The following BIRC6 variants were observed in gnomAD, a reference collection of about 807,000 sequenced individuals.
BIRC6 encodes dual E2 ubiquitin-conjugating enzyme/E3 ubiquitin-protein ligase BIRC6.
In BIRC6, 98 loss-of-function variants were observed where a neutral mutation model predicts 503.3. That is an observed-to-expected ratio of 0.19 (90% CI 0.17 to 0.23). The LOEUF is 0.23. Ranked by LOEUF, BIRC6 falls within the 10% of genes least tolerant of loss-of-function variation. The pLI, the probability that BIRC6 is intolerant of heterozygous loss-of-function variation, is 1.00. For synonymous variants in BIRC6, 2,240 were observed against 2,078.7 expected (o/e 1.08, Z -2.11); for missense variants, 5,360 against 5,806.0 (o/e 0.92, Z 2.50).
At chr2:32,533,061 G>T (rs749737479) in intron 61 of BIRC6, among the ~76,000 whole-genome samples, 8 of 152,178 alleles carry the variant, frequency 5.3e-5, no homozygotes, top group Non-Finnish European at 1.0e-4. Context: ...GGGCCCAGAA[G>T]GAAGTAAGGA....
intron 66 of BIRC6, 29 bp from the exon 67 acceptor site, chr2:32,593,886 G>T: frequency 6.3e-7 from 1 of 1,590,036 alleles, no homozygotes; most frequent in Non-Finnish European, 8.6e-7. Flanking sequence ...AATTTTCCTT[G>T]CTTTTCTTTC....
At chr2:32,462,053 AT>A (rs898135540) in intron 23 of BIRC6, among the ~76,000 whole-genome samples, 33 of 151,978 alleles carry the variant, frequency 2.2e-4, no homozygotes, top group African/African-American at 8.0e-4. Context: ...AAAAATAAAA[AT>A]AAAAAAAAAA....
intron 30 of BIRC6, 24 bp downstream of exon 30, chr2:32,469,638 A>G: frequency 6.4e-7 from 1 of 1,558,734 alleles, no homozygotes; most frequent in Non-Finnish European, 8.8e-7. Context: ...TGTTGGAGGT[A>G]TTTGTTATTA....
Position 32,467,489 on chromosome 2 carries a change from A to T in BIRC6, c.5357-36A>T, listed in dbSNP as rs756363129. 22 of 1,529,660 alleles carry T rather than the reference A, an allele frequency of 1.4e-5. No individual in the cohort carries two copies. The Admixed American group carries it at 3.5e-4, about 25-fold the overall frequency. 94.8% of individuals were successfully genotyped at this position (1,529,660 alleles called of 1,614,324 possible). A position where few individuals can be genotyped will look rare whatever the true frequency, so the allele number is the denominator to read the frequency against. On this transcript the variant is annotated intron_variant, in intron 26 of 73. Coordinates refer to ENST00000421745, the MANE Select transcript of BIRC6 (RefSeq NM_016252.4). ...TGAGTGTATCATTTGGTTAATTGAT[A>T]TATTTTTGGTCAACTGTTTCTTCTT...
intron 66 of BIRC6, among the ~76,000 whole-genome samples, chr2:32,577,023 G>C (rs1362807544): frequency 3.3e-5 from 5 of 151,184 alleles, no homozygotes; most frequent in Non-Finnish European, 4.4e-5. Context: ...CTATCTTGTG[G>C]CCCCCCCCAG....
intron 10 of BIRC6, among the ~76,000 whole-genome samples, chr2:32,422,330 T>C (rs2043033492): frequency 6.6e-6 from 1 of 152,260 alleles, no homozygotes; most frequent in African/African-American, 2.4e-5. Context: ...TTTAAAATGT[T>C]CTTTACATTC....
At chr2:32,393,968 A>C (rs887970685) in intron 5 of BIRC6, among the ~76,000 whole-genome samples, 1 of 148,824 alleles carries the variant, frequency 6.7e-6, no homozygotes, top group Non-Finnish European at 1.5e-5. Flanking sequence ...ATATATATAT[A>C]TGAATATTTT....
intron 54 of BIRC6, among the ~76,000 whole-genome samples, chr2:32,514,232 G>T (rs1023151613): frequency 2.0e-5 from 3 of 151,964 alleles, no homozygotes; most frequent in Admixed American, 2.0e-4. Context: ...GAGGTGGGAG[G>T]ATCACTTGAA....
At chr2:32,598,103 A>C in intron 69 of BIRC6, 135 bp downstream of exon 69, 1 of 820,684 alleles carries the variant, frequency 1.2e-6, no homozygotes, top group Non-Finnish European at 1.8e-6. Context: ...CCATTTTTAG[A>C]CGGCAGTGAA....
At chr2:32,460,408 C>A (rs979910483) in intron 23 of BIRC6, among the ~76,000 whole-genome samples, 2 of 149,808 alleles carry the variant, frequency 1.3e-5, no homozygotes, top group South Asian at 2.1e-4. Flanking sequence ...TCCCCAGTAC[C>A]TGGGATTACA....
At chr2:32,464,858 A>C in intron 25 of BIRC6, 35 bp downstream of exon 25, 5 of 1,548,398 alleles carry the variant, frequency 3.2e-6, no homozygotes, top group Non-Finnish European at 4.3e-6. Context: ...TGGCTTAGAC[A>C]TTTAAAAATA....
chr2:32,488,666 A>G lies in BIRC6; in HGVS notation c.8047A>G (p.Ile2683Val), dbSNP rs951925181. Residue 2683 changes from isoleucine (I) to valine (V), a missense_variant, in exon 42 of 74, where the codon ATA becomes GTA. Physicochemically the swap from Ile to Val is conservative, Grantham distance 29 (BLOSUM62 3). Coordinates refer to ENST00000421745, the MANE Select transcript of BIRC6 (RefSeq NM_016252.4). ...STGNKENGAD[I>V]FLYNANRIPV... ...TGGAAACAAAGAAAATGGAGCAGAC[A>G]TATTTTTATATAATGCTAATAGGAT... 3 of 1,485,442 alleles carry G rather than the reference A, an allele frequency of 2.0e-6. No homozygotes were observed. The highest frequency in any genetic ancestry group is 1.8e-6 in the Non-Finnish European group (2 of 1,090,808). 92.0% of individuals were successfully genotyped at this position (1,485,442 alleles called of 1,614,324 possible).
intron 71 of BIRC6, among the ~76,000 whole-genome samples, chr2:32,606,170 A>C (rs1445821688): frequency 6.6e-6 from 1 of 152,214 alleles, no homozygotes. Flanking sequence ...CTATAGATAC[A>C]TTAACTGGAA....
intron 65 of BIRC6, among the ~76,000 whole-genome samples, chr2:32,554,519 TAGACATGAGAGAGCAGGC>T (rs1453260781): frequency 6.6e-6 from 1 of 152,146 alleles, no homozygotes; most frequent in Non-Finnish European, 1.5e-5. Context: ...TAGAGTAAGG[TAGACATGAGAGAGCAGGC>T]ACAGGACTTC....
At chr2:32,549,825 A>G (rs1278305460) in intron 65 of BIRC6, among the ~76,000 whole-genome samples, 1 of 152,156 alleles carries the variant, frequency 6.6e-6, no homozygotes, top group Non-Finnish European at 1.5e-5. Context: ...ATGGATTTTA[A>G]ATATTTTTGT....
At chr2:32,364,829 T>G (rs1023156814) in intron 1 of BIRC6, among the ~76,000 whole-genome samples, 1 of 151,444 alleles carries the variant, frequency 6.6e-6, no homozygotes, top group African/African-American at 2.4e-5. Context: ...CTGCCTGCTC[T>G]GAGAGGTCAT....
At chr2:32,387,469 A>G (rs539861474) in intron 3 of BIRC6, among the ~76,000 whole-genome samples, 1 of 152,340 alleles carries the variant, frequency 6.6e-6, no homozygotes, top group Non-Finnish European at 1.5e-5. Context: ...CAATTACATT[A>G]TAGACTTATT....
intron 17 of BIRC6, 77 bp from the exon 18 acceptor site, chr2:32,441,988 G>A: frequency 9.4e-6 from 10 of 1,067,826 alleles, no homozygotes; most frequent in Non-Finnish European, 1.3e-5. Flanking sequence ...ATTAAACATT[G>A]CCTTTCCAGC....
intron 66 of BIRC6, among the ~76,000 whole-genome samples, chr2:32,587,279 C>G (rs1025790498): frequency 2.0e-5 from 3 of 152,064 alleles, no homozygotes; most frequent in Admixed American, 2.0e-4. Flanking sequence ...CCCAGCTACT[C>G]GGGAGGCTGA....
Sources: allele counts gnomAD v4.1 joint callset (sites outside exome capture counted in the v4.1 genomes callset), GRCh38; gene constraint gnomAD v4.1.1; transcripts MANE v1.5; gene names NCBI Gene and HGNC (gene_info 2026-07-23, HGNC 2026-07-21).